Variants in UNC13A observed in about 807,000 individuals in gnomAD.
The protein encoded by UNC13A is protein unc-13 homolog A.
A neutral mutation model predicts 219.7 loss-of-function variants in UNC13A; 61 were observed. That is an observed-to-expected ratio of 0.28 (90% confidence interval 0.23 to 0.34). The LOEUF is 0.34. Ranked by LOEUF, UNC13A falls within the 10% of genes least tolerant of loss-of-function variation. UNC13A has a pLI of 1.00. For missense variants in UNC13A, 1,476 were observed against 2,270.3 expected, an observed-to-expected ratio of 0.65 and a Z score of 7.11; for synonymous variants, 920 against 884.6, an observed-to-expected ratio of 1.04 and a Z score of -0.71.
intron 15 of UNC13A, 109 bp downstream of exon 15, chr19:17,648,803 T>TCA (rs1348301593): frequency 2.0e-6 from 3 of 1,493,278 alleles, no homozygotes; most frequent in Non-Finnish European, 2.7e-6. Context: ...CCAGTCTGTG[T>TCA]CACACACACA....
Position 17,624,819 on chromosome 19 carries a change from C to A in UNC13A, c.4197+10G>T, listed in dbSNP as rs762256583. 2 of 1,611,108 alleles carry A rather than the reference C, an allele frequency of 1.2e-6. No homozygotes were observed. The highest frequency in any genetic ancestry group is 1.7e-6 in the Non-Finnish European group (2 of 1,178,266). The stretch of plus-strand genomic sequence containing the variant: ...CCTAAATGTCCCCTCGGGCCCCCTG[C>A]AGGTCTCACCGTCTGGTCAGTGAGG... On this transcript the variant is annotated intron_variant, in intron 35 of 43. Coordinates refer to ENST00000519716, the MANE Select transcript of UNC13A (RefSeq NM_001080421.3).
Position 17,604,819 on chromosome 19 carries a change from G to A in UNC13A, c.*1235C>T, listed in dbSNP as rs1358711219. On this transcript the variant is annotated 3_prime_UTR_variant, in exon 44 of 44. Coordinates refer to ENST00000519716, the MANE Select transcript of UNC13A (RefSeq NM_001080421.3). ...CTTGGGTGTTTGAATCAATGAATAGGCTCTTGGAGACTAAGCTCTCACTGT... is the reference window on the plus strand; with the variant it reads ...CTTGGGTGTTTGAATCAATGAATAGACTCTTGGAGACTAAGCTCTCACTGT... 2 of 152,212 alleles carry A rather than the reference G, an allele frequency of 1.3e-5. No homozygotes were observed. Among genetic ancestry groups the A allele is most frequent in the Non-Finnish European group, 2.9e-5 (2 of 68,064 alleles). The allele number at this position is 152,212 out of a possible 1,614,324, so 9.4% of individuals were successfully genotyped here. A position where few individuals can be genotyped will look rare whatever the true frequency, so the allele number is the denominator to read the frequency against.
intron 36 of UNC13A, 133 bp downstream of exon 36, chr19:17,623,409 T>A: frequency 4.5e-5 from 26 of 578,278 alleles, no homozygotes; most frequent in Middle Eastern, 5.1e-4. Flanking sequence ...CACAGGCACA[T>A]CTAGGCGGGA....
chr19:17,656,977 C>G (rs1352685361), intron 9 of UNC13A, among the ~76,000 whole-genome samples: 2 of 152,128 alleles, frequency 1.3e-5, no homozygotes, highest in African/African-American at 2.4e-5. Flanking sequence ...AGCAGGTCTC[C>G]TGTCCTCCAC....
chr19:17,627,733 C>T lies in UNC13A; in HGVS notation c.3831+130G>A. On this transcript the variant is annotated intron_variant, in intron 32 of 43. Transcript: ENST00000519716. This position sits in a 1 kb window ranked among gnomAD's most constrained non-coding sequence, Gnocchi z 4.7. ...AGGCACAGACCGTTATGCTGCAAGC[C>T]TGGGTTTAAGGCCATGGTTGAGCTG... 2.3e-6 allele frequency: 3 copies of T among 1,280,848 alleles called. No individual in the cohort carries two copies. The highest frequency in any genetic ancestry group is 1.5e-5 in the African/African-American group (1 of 67,866). 79.3% of individuals were successfully genotyped at this position (1,280,848 alleles called of 1,614,324 possible). A position where few individuals can be genotyped will look rare whatever the true frequency, so the allele number is the denominator to read the frequency against.
intron 1 of UNC13A, among the ~76,000 whole-genome samples, chr19:17,681,857 G>A (rs1307517316): frequency 1.3e-5 from 2 of 152,068 alleles, no homozygotes; most frequent in African/African-American, 4.8e-5. Flanking sequence ...GCGCTCCTCG[G>A]GCCCCAGAAT....
Position 17,603,219 on chromosome 19 carries a change from A to AACACACAC in UNC13A, c.*2827_*2834dup, listed in dbSNP as rs56713202. On this transcript the variant is annotated 3_prime_UTR_variant, in exon 44 of 44. Transcript: ENST00000519716. ...CCTGGGCCATTGCTGGGGAACCCTA[A>AACACACAC]ACACACACACACACACACGGAGGTC... The AACACACAC allele has an allele frequency of 6.6e-6, 1 of 151,040 alleles. No individual in the cohort carries two copies. The highest frequency in any genetic ancestry group is 2.4e-5 in the African/African-American group (1 of 41,090). The allele number at this position is 151,040 out of a possible 1,614,324, so 9.4% of individuals were successfully genotyped here.
Position 17,601,895 on chromosome 19 carries a change from G to A in UNC13A, c.*4159C>T, listed in dbSNP as rs1183972054. Reference sequence around the variant, plus strand: ...ACGATTCTTAGGAAAGGATTCTGGGGAGCAGACGGGGTTGTGATCCGGGAC... The same window carrying A: ...ACGATTCTTAGGAAAGGATTCTGGGAAGCAGACGGGGTTGTGATCCGGGAC... On this transcript the variant is annotated 3_prime_UTR_variant, in exon 44 of 44. Transcript: ENST00000519716. The A allele has an allele frequency of 6.6e-6, 1 of 152,648 alleles. No homozygotes were observed. Among genetic ancestry groups the A allele is most frequent in the Non-Finnish European group, 1.5e-5 (1 of 68,050 alleles). The allele number at this position is 152,648 out of a possible 1,614,324, so 9.5% of individuals were successfully genotyped here. A position where few individuals can be genotyped will look rare whatever the true frequency, so the allele number is the denominator to read the frequency against.
At chr19:17,682,652 G>A (rs1280827493) in intron 1 of UNC13A, among the ~76,000 whole-genome samples, 2 of 152,188 alleles carry the variant, frequency 1.3e-5, no homozygotes, top group East Asian at 3.9e-4. Context: ...GAGGGTATCA[G>A]GGACTGAGTA....
Position 17,648,425 on chromosome 19 carries a change from G to GCTCA in UNC13A, c.1816+2_1816+5dup. 6.3e-7 allele frequency: 1 copy of GCTCA among 1,581,038 alleles called. No homozygotes were observed. Among genetic ancestry groups the GCTCA allele is most frequent in the Non-Finnish European group, 8.6e-7 (1 of 1,169,144 alleles). ...CCGTGGCCCTGCGCTCAGGCCCTGCGCTCACGCTGCAGGCAGTCGGCGTTG... is the reference window on the plus strand; with the variant it reads ...CCGTGGCCCTGCGCTCAGGCCCTGCGCTCACTCACGCTGCAGGCAGTCGGCGTTG... On this transcript the variant is annotated splice_donor_region_variant and intron_variant, in intron 16 of 43. Coordinates refer to ENST00000519716, the MANE Select transcript of UNC13A (RefSeq NM_001080421.3).
At chr19:17,663,118 C>T (rs997901143) in intron 8 of UNC13A, among the ~76,000 whole-genome samples, 2 of 151,628 alleles carry the variant, frequency 1.3e-5, no homozygotes, top group Non-Finnish European at 2.9e-5. Flanking sequence ...CCACCCACTA[C>T]CCTCTGAGTG....
At chr19:17,626,512 C>T in intron 34 of UNC13A, 121 bp downstream of exon 34, 1 of 1,119,694 alleles carries the variant, frequency 8.9e-7, no homozygotes, top group Non-Finnish European at 1.2e-6. Context: ...ACTCAGCCAT[C>T]CAACTATCCA....
chr19:17,609,407 C>T (rs11666409), intron 43 of UNC13A, among the ~76,000 whole-genome samples: 53,929 of 151,458 alleles, frequency 0.36, 9,953 homozygotes, highest in African/African-American at 0.39. Flanking sequence ...ACACCCACCC[C>T]CAAGCCTGGG....
intron 35 of UNC13A, 55 bp from the exon 36 acceptor site, chr19:17,623,602 AGTCTC>A: frequency 1.0e-6 from 1 of 996,370 alleles, no homozygotes; most frequent in Non-Finnish European, 1.4e-6. Context: ...AGGTACCATG[AGTCTC>A]CCGGGAAGGC....
intron 5 of UNC13A, among the ~76,000 whole-genome samples, chr19:17,668,590 G>A (rs1001935111): frequency 2.6e-5 from 4 of 151,958 alleles, no homozygotes; most frequent in Admixed American, 6.6e-5. Context: ...GGGTTCAAGC[G>A]ATTCTCCTGC....
chr19:17,654,086 C>G (rs1017631402), intron 11 of UNC13A, among the ~76,000 whole-genome samples: 7 of 152,106 alleles, frequency 4.6e-5, no homozygotes, highest in Non-Finnish European at 1.0e-4. Flanking sequence ...CTCGGCCTCC[C>G]AAAGTGCTGG....
chr19:17,645,274 G>T (rs1332402160), intron 19 of UNC13A, among the ~76,000 whole-genome samples: 1 of 152,086 alleles, frequency 6.6e-6, no homozygotes, highest in African/African-American at 2.4e-5. Flanking sequence ...TTCCCAAAGT[G>T]CTGGGATTAC....
Position 17,645,763 on chromosome 19 carries a change from C to T in UNC13A, c.2267G>A (p.Arg756Lys). Residue 756 changes from arginine to lysine, a missense_variant, in exon 19 of 44, where the codon AGG becomes AAG. Around this residue, in one of 14 missense-constraint regions of UNC13A, gnomAD observed 66 missense variants for 224.3 expected, o/e 0.29. Coordinates refer to ENST00000519716, the MANE Select transcript of UNC13A (RefSeq NM_001080421.3). ...GAAATCGTCAGATTCCCTCTTGAACCTCTGTTTCACGCGGGATTTGATGTC... is the reference window on the plus strand; with the variant it reads ...GAAATCGTCAGATTCCCTCTTGAACTTCTGTTTCACGCGGGATTTGATGTC... Reference protein sequence around the residue: ...DDDIKSRVKQRFKRESDDFLG... With the variant: ...DDDIKSRVKQKFKRESDDFLG... 1.9e-6 allele frequency: 3 copies of T among 1,614,152 alleles called. No homozygotes were observed. Among genetic ancestry groups the T allele is most frequent in the Non-Finnish European group, 2.5e-6 (3 of 1,179,982 alleles).
At chr19:17,672,542 C>T (rs770699449) in intron 3 of UNC13A, 47 bp from the exon 4 acceptor site, 33 of 1,522,460 alleles carry the variant, frequency 2.2e-5, no homozygotes, top group South Asian at 1.7e-4. Context: ...AGGGAGGAAA[C>T]GGGGGCCCAG....
Sources: allele counts gnomAD v4.1 joint callset (sites outside exome capture counted in the v4.1 genomes callset), GRCh38; gene constraint gnomAD v4.1.1; regional missense constraint gnomAD v4.1.1; non-coding constraint Gnocchi (gnomAD v3.1); transcripts MANE v1.5; gene names NCBI Gene and HGNC (gene_info 2026-07-23, HGNC 2026-07-21).